Variants in RRP12 observed in about 807,000 individuals in gnomAD.
RRP12 encodes ribosomal RNA processing 12 homolog.
A neutral mutation model predicts 157.3 loss-of-function variants in RRP12; 78 were observed. The observed-to-expected ratio is 0.50, with a 90% CI of 0.41 to 0.60. The LOEUF (loss-of-function observed/expected upper bound fraction) is 0.60. RRP12 is among the 20% of genes least tolerant of loss of function. RRP12 has a pLI of 0.00. For synonymous variants in RRP12, 726 were observed against 670.9 expected, an observed-to-expected ratio of 1.08 and a Z score of -1.27; for missense variants, 1,521 against 1,679.9, an observed-to-expected ratio of 0.91 and a Z score of 1.65.
intron 10 of RRP12, 120 bp from the exon 11 acceptor site, chr10:97,381,946 C>A: frequency 1.5e-6 from 1 of 655,712 alleles, no homozygotes; most frequent in Non-Finnish European, 2.7e-6. Context: ...ATCTGCAGGG[C>A]TCCGTAGGGC....
intron 32 of RRP12, 119 bp from the exon 33 acceptor site, chr10:97,358,738 C>T (rs959494537): frequency 5.8e-6 from 5 of 868,132 alleles, no homozygotes; most frequent in Non-Finnish European, 9.6e-6. Context: ...TGCCAAAGAG[C>T]TCCTGTATCC....
chr10:97,365,868 G>C (rs181828272), intron 29 of RRP12: 1 of 545,816 alleles, frequency 1.8e-6, no homozygotes, highest in Admixed American at 3.3e-5. Flanking sequence ...CACACAGTAA[G>C]GGGAAGTACC....
intron 4 of RRP12, chr10:97,393,308 G>C: frequency 2.3e-6 from 1 of 437,874 alleles, no homozygotes; most frequent in South Asian, 1.7e-5. Context: ...ATGGAACCAG[G>C]GAAGCACTGC....
In RRP12 at chr10:97,367,405, T is replaced by G. The variant is rs1232226102; in HGVS notation, c.2956-273A>C. ...AACAGCACTTGGTACTTGACATATA[T>G]CCTCTCCTTGAATCCTTGGACTACC... On this transcript the variant is annotated intron_variant, in intron 25 of 33. Coordinates refer to ENST00000370992, the MANE Select transcript of RRP12 (RefSeq NM_015179.4). 5.8e-6 allele frequency: 3 copies of G among 520,654 alleles called. No individual in the cohort carries two copies. The East Asian group carries it at 1.0e-4, about 17-fold the overall frequency. The allele number at this position is 520,654 out of a possible 1,614,324, so 32.3% of individuals were successfully genotyped here. A position where few individuals can be genotyped will look rare whatever the true frequency, so the allele number is the denominator to read the frequency against.
chr10:97,370,863 G>C, intron 21 of RRP12, 60 bp downstream of exon 21: 2 of 1,610,174 alleles, frequency 1.2e-6, no homozygotes, highest in South Asian at 1.1e-5. Flanking sequence ...CTCAACAGTG[G>C]CTCCTTTCCT....
At chr10:97,391,431 C>T (rs1289627362) in intron 4 of RRP12, among the ~76,000 whole-genome samples, 2 of 152,028 alleles carry the variant, frequency 1.3e-5, no homozygotes, top group African/African-American at 4.8e-5. Flanking sequence ...ATTAGCTGGG[C>T]GTGATGGCGC....
Position 97,358,600 on chromosome 10 carries a change from T to C in RRP12, c.3728A>G (p.Lys1243Arg), listed in dbSNP as rs954815578. The stretch of plus-strand genomic sequence containing the variant: ...ATAGGGATCCGGCCGGCCTTTCTTC[T>C]TCACATCACCTTTTGCTTTCTGCTT... ...YKAKKAKGDV[K>R]KKGRPDPYAY... is the part of the protein sequence containing the mutation. The change falls in exon 33 of 34, where the codon AAG (lysine) becomes AGG (arginine). Residue 1243 changes from lysine to arginine, a missense_variant. Transcript: ENST00000370992. 12 of 1,613,818 alleles carry C rather than the reference T, an allele frequency of 7.4e-6. No homozygotes were observed. Among genetic ancestry groups the C allele is most frequent in the East Asian group, 6.7e-5 (3 of 44,870 alleles).
chr10:97,378,578 TG>T (rs1419139890), intron 15 of RRP12, among the ~76,000 whole-genome samples: 5 of 152,282 alleles, frequency 3.3e-5, no homozygotes, highest in African/African-American at 1.2e-4. Flanking sequence ...TACACCTGGC[TG>T]GGCACGGTGG....
intron 2 of RRP12, among the ~76,000 whole-genome samples, chr10:97,397,168 T>C (rs1342071864): frequency 6.6e-6 from 1 of 152,118 alleles, no homozygotes; most frequent in Non-Finnish European, 1.5e-5. Flanking sequence ...GTTGTTGTTG[T>C]TGTTGTTTTT....
At chr10:97,362,576 T>C (rs1010299369) in intron 30 of RRP12, among the ~76,000 whole-genome samples, 1 of 151,914 alleles carries the variant, frequency 6.6e-6, no homozygotes, top group Non-Finnish European at 1.5e-5. Flanking sequence ...GAGGGGCCCA[T>C]GTCAGACCAA....
intron 15 of RRP12, 26 bp from the exon 16 acceptor site, chr10:97,373,920 G>A: frequency 6.2e-7 from 1 of 1,607,116 alleles, no homozygotes; most frequent in Non-Finnish European, 8.5e-7. Context: ...GGGACAGAGT[G>A]TGAGCCCAGC....
At chr10:97,379,477 C>T (rs1844402817) in intron 14 of RRP12, 63 bp from the exon 15 acceptor site, 4 of 1,606,880 alleles carry the variant, frequency 2.5e-6, no homozygotes, top group Non-Finnish European at 3.4e-6. Context: ...CAGTGCATAG[C>T]ATACTGAGCC....
At chr10:97,400,567 C>T (rs768229906) in intron 1 of RRP12, 33 bp from the exon 2 acceptor site, 1 of 1,573,002 alleles carries the variant, frequency 6.4e-7, no homozygotes, top group Non-Finnish European at 8.7e-7. Context: ...AAGGTCCAAG[C>T]CTCCTTTTGG....
intron 6 of RRP12, 87 bp downstream of exon 6, chr10:97,390,336 T>C (rs894219287): frequency 2.0e-6 from 2 of 987,270 alleles, no homozygotes; most frequent in African/African-American, 3.2e-5. Context: ...AGCTCCCCAG[T>C]GCCACTCAGC....
In RRP12 at chr10:97,396,227, G is replaced by A. The variant is rs3814553; in HGVS notation, c.444C>T (p.Phe148=). The change falls in exon 3 of 34, where the codon TTC becomes TTT. Residue 148 remains phenylalanine, a synonymous_variant. Coordinates refer to ENST00000370992, the MANE Select transcript of RRP12 (RefSeq NM_015179.4). ...AGTGGCACCCACTCACCAGAGCAGC[G>A]AAGTACTCAGTCTCCGTCTCCTTCC... is the stretch of plus-strand genomic sequence containing the variant. ...QGGKETETEY[F]AALMTTMEAV... is the part of the protein sequence containing the mutation. The A allele has an allele frequency of 0.34, 542,269 of 1,609,478 alleles. 93,522 individuals carry two copies. Among genetic ancestry groups the A allele is most frequent in the African/African-American group, 0.5 (37,286 of 74,744 alleles).
At chr10:97,367,939 C>T (rs137860326) in intron 25 of RRP12, among the ~76,000 whole-genome samples, 26 of 152,168 alleles carry the variant, frequency 1.7e-4, no homozygotes, top group Middle Eastern at 3.4e-3. Context: ...ACCATACTGG[C>T]CAGGCTGGTC....
At chr10:97,381,880 C>A (rs1395327230) in intron 10 of RRP12, 54 bp from the exon 11 acceptor site, 9 of 1,336,686 alleles carry the variant, frequency 6.7e-6, no homozygotes, top group African/African-American at 5.8e-5. Context: ...GGGACCCGGG[C>A]AACCAGGGCT....
chr10:97,373,628 C>T lies in RRP12; in HGVS notation c.1973G>A (p.Arg658Lys). The change falls in exon 17 of 34, where the codon AGG becomes AAG. Residue 658 changes from arginine to lysine, a missense_variant. Coordinates refer to ENST00000370992, the MANE Select transcript of RRP12 (RefSeq NM_015179.4). The stretch of plus-strand genomic sequence containing the variant: ...GCGCAGGGCCTGGCACACGGTGACC[C>T]TCAGGTCTGGACGCTCGCTGATGGC... ...GMAISERPDLRVTVCQALRTL... is the reference protein window; with the variant it reads ...GMAISERPDLKVTVCQALRTL... 6.2e-7 allele frequency: 1 copy of T among 1,613,212 alleles called. No homozygotes were observed. The highest frequency in any genetic ancestry group is 1.1e-5 in the South Asian group (1 of 91,014).
intron 20 of RRP12, 56 bp from the exon 21 acceptor site, chr10:97,371,137 T>C (rs1281654233): frequency 6.4e-7 from 1 of 1,565,628 alleles, no homozygotes; most frequent in Non-Finnish European, 8.7e-7. Flanking sequence ...TCCAATGCTA[T>C]CCACGGAGCA....
Sources: gnomAD v4.1 joint callset for allele counts (sites outside exome capture counted in the v4.1 genomes callset) on GRCh38, gnomAD v4.1.1 for gene constraint, MANE v1.5 for transcripts, NCBI Gene and HGNC (gene_info 2026-07-23, HGNC 2026-07-21) for gene names.